The following AFAP1 variants were observed in gnomAD, a reference collection of about 807,000 sequenced individuals.
The protein encoded by AFAP1 is actin filament associated protein 1, also known as actin filament-associated protein 1.
In AFAP1, 75 loss-of-function variants were observed where a neutral mutation model predicts 93.9. The observed-to-expected ratio is 0.80, with a 90% CI of 0.66 to 0.97. AFAP1 has a LOEUF of 0.97. Ranked by LOEUF, AFAP1 falls within the 50% of genes least tolerant of loss-of-function variation. AFAP1 has a pLI of 0.00. For synonymous variants in AFAP1, 517 were observed against 430.7 expected, an observed-to-expected ratio of 1.20 and a Z score of -2.48; for missense variants, 1,201 against 1,050.8, an observed-to-expected ratio of 1.14 and a Z score of -1.98.
chr4:7,803,610 A>G (rs1488374099), intron 9 of AFAP1, among the ~76,000 whole-genome samples: 3 of 151,968 alleles, frequency 2.0e-5, no homozygotes, highest in Non-Finnish European at 4.4e-5. Context: ...GCAATTCCCA[A>G]CCACAGGGGG....
At chr4:7,768,344 G>A (rs1407622801) in intron 17 of AFAP1, among the ~76,000 whole-genome samples, 1 of 152,260 alleles carries the variant, frequency 6.6e-6, no homozygotes, top group Non-Finnish European at 1.5e-5. Context: ...GAGAAGACCG[G>A]AAGCTGCCCC....
At chr4:7,866,191 C>T (rs1716378245) in intron 3 of AFAP1, among the ~76,000 whole-genome samples, 1 of 138,876 alleles carries the variant, frequency 7.2e-6, no homozygotes, top group Admixed American at 7.5e-5. Flanking sequence ...GCCACTGCGC[C>T]CAGCAGGTTT....
At chr4:7,912,601 C>A (rs6848279) in intron 1 of AFAP1, among the ~76,000 whole-genome samples, 2 of 152,240 alleles carry the variant, frequency 1.3e-5, no homozygotes, top group African/African-American at 4.8e-5. Context: ...CTCTTCATGT[C>A]TTTTACTCAT....
chr4:7,891,756 A>G (rs1039072998), intron 1 of AFAP1, among the ~76,000 whole-genome samples: 4 of 150,260 alleles, frequency 2.7e-5, no homozygotes, highest in East Asian at 1.9e-4. Context: ...AAAAAAAAAA[A>G]AAAAAAAAAA....
rs1164707282 is a variant in AFAP1, at chr4:7,780,660, A to ATTT, written c.1782+715_1782+716insAAA. Among the ~76,000 whole-genome samples the ATTT allele has an allele frequency of 6.2e-3, 875 of 141,808 alleles. 5 individuals carry two copies. The highest frequency in any genetic ancestry group is 0.011 in the Middle Eastern group (3 of 284). The allele number at this position is 141,808 out of a possible 152,430, so 93.0% of individuals were successfully genotyped here. A position where few individuals can be genotyped will look rare whatever the true frequency, so the allele number is the denominator to read the frequency against. On this transcript the variant is annotated intron_variant, in intron 13 of 17. Transcript: ENST00000420658. ...GACTTCATCTTTTTTTTTTTTTTTA[A>ATTT]AAAGGCCTAACACCACAAAATTACT...
At chr4:7,826,678 A>C (rs1721449092) in intron 6 of AFAP1, among the ~76,000 whole-genome samples, 1 of 152,240 alleles carries the variant, frequency 6.6e-6, no homozygotes, top group Admixed American at 6.5e-5. Flanking sequence ...TCCTGATCCA[A>C]CACGTCAATG....
chr4:7,806,242 C>G (rs1177021654), intron 9 of AFAP1, among the ~76,000 whole-genome samples: 3 of 152,220 alleles, frequency 2.0e-5, no homozygotes, highest in African/African-American at 7.2e-5. Flanking sequence ...GCGGGCGGAC[C>G]TGGCCAGCCA....
chr4:7,812,688 C>A (rs1002554099), intron 8 of AFAP1, among the ~76,000 whole-genome samples: 5 of 152,124 alleles, frequency 3.3e-5, no homozygotes, highest in African/African-American at 4.8e-5. Flanking sequence ...CACTGGCGCA[C>A]GCCACTGGAG....
At chr4:7,911,814 A>T (rs768889082) in intron 1 of AFAP1, among the ~76,000 whole-genome samples, 2 of 152,246 alleles carry the variant, frequency 1.3e-5, no homozygotes, top group Non-Finnish European at 2.9e-5. Context: ...CTCCATAGAC[A>T]AGAAGTAAAT....
At chr4:7,863,564 C>G (rs1715996719) in intron 3 of AFAP1, among the ~76,000 whole-genome samples, 1 of 152,208 alleles carries the variant, frequency 6.6e-6, no homozygotes, top group African/African-American at 2.4e-5. Flanking sequence ...AAACATGCTA[C>G]ATCCCACACG....
chr4:7,838,697 T>C lies in AFAP1; in HGVS notation c.553A>G (p.Lys185Glu). 6.2e-7 allele frequency: 1 copy of C among 1,614,070 alleles called. No individual in the cohort carries two copies. The highest frequency in any genetic ancestry group is 8.5e-7 in the Non-Finnish European group (1 of 1,179,976). The change falls in exon 6 of 18, where the codon AAA becomes GAA. Residue 185 changes from lysine to glutamate, a missense_variant. By Grantham distance (56) the Lys-to-Glu change is moderately conservative. Transcript: ENST00000420658. ...TGAGGCTGCTGGTCCTTGGAACTTT[T>C]ATAGCACTGCATTCAACACAACAAA... is the stretch of plus-strand genomic sequence containing the variant. ...VIKDTKLLCYKSSKDQQPQME... is the reference protein window; with the variant it reads ...VIKDTKLLCYESSKDQQPQME...
intron 3 of AFAP1, among the ~76,000 whole-genome samples, chr4:7,856,612 C>T (rs1439576249): frequency 3.9e-5 from 6 of 152,164 alleles, no homozygotes; most frequent in African/African-American, 7.2e-5. Flanking sequence ...AGAATATGGA[C>T]GAGCTGGGGG....
chr4:7,774,747 A>C lies in AFAP1; in HGVS notation c.2054T>G (p.Val685Gly), dbSNP rs1715919316. 6.2e-7 allele frequency: 1 copy of C among 1,613,956 alleles called. No individual in the cohort carries two copies. Among genetic ancestry groups the C allele is most frequent in the Non-Finnish European group, 8.5e-7 (1 of 1,179,998 alleles). Residue 685 changes from valine to glycine, a missense_variant, in exon 15 of 18, where the codon GTG becomes GGG. Transcript: ENST00000420658. ...ACCCACACCCTTCATACCGGCGTTC[A>C]CTTCAATAGCCGCTCGAAGGTCTTT... ...ERKDLRAAIE[V>G]NAGRKPQAIL...
intron 6 of AFAP1, among the ~76,000 whole-genome samples, chr4:7,823,025 T>TA (rs1721113570): frequency 6.6e-6 from 1 of 151,918 alleles, no homozygotes; most frequent in Non-Finnish European, 1.5e-5. Context: ...TGCTTTTTTT[T>TA]ATATAGCTAA....
At chr4:7,860,662 C>A (rs28607519) in intron 3 of AFAP1, among the ~76,000 whole-genome samples, 46,843 of 152,026 alleles carry the variant, frequency 0.31, 8,922 homozygotes, top group Non-Finnish European at 0.44. Flanking sequence ...AGAGTGGGCA[C>A]GGCCTGCTGA....
chr4:7,829,139 T>C (rs1339490357), intron 6 of AFAP1, among the ~76,000 whole-genome samples: 2 of 152,148 alleles, frequency 1.3e-5, no homozygotes, highest in Non-Finnish European at 2.9e-5. Context: ...TCCCAAGGCC[T>C]CCCCAGCCAT....
In AFAP1 at chr4:7,763,567, C is replaced by T; in HGVS notation, c.*198G>A. On this transcript the variant is annotated 3_prime_UTR_variant, in exon 18 of 18. Transcript: ENST00000420658. The stretch of plus-strand genomic sequence containing the variant: ...AAAGTTGGGAACCAAAGTCTTACAT[C>T]TTTTTTAAAGGCGCCATTTTACAGT... 3.3e-6 allele frequency: 2 copies of T among 598,454 alleles called. No homozygotes were observed. Among genetic ancestry groups the T allele is most frequent in the Non-Finnish European group, 2.9e-6 (1 of 349,654 alleles). The allele number at this position is 598,454 out of a possible 1,614,324, so 37.1% of individuals were successfully genotyped here.
chr4:7,798,545 T>G (rs1310488553), intron 10 of AFAP1, among the ~76,000 whole-genome samples: 3 of 152,202 alleles, frequency 2.0e-5, no homozygotes, highest in Non-Finnish European at 4.4e-5. Context: ...GCTGTAGATG[T>G]TTATGTGTCA....
intron 13 of AFAP1, among the ~76,000 whole-genome samples, chr4:7,781,121 A>T (rs1027763889): frequency 6.6e-6 from 1 of 152,168 alleles, no homozygotes; most frequent in East Asian, 1.9e-4. Flanking sequence ...ACAAAATTTC[A>T]CTGGGGAATT....
Sources: allele counts gnomAD v4.1 joint callset (sites outside exome capture counted in the v4.1 genomes callset), GRCh38; gene constraint gnomAD v4.1.1; transcripts MANE v1.5; gene names NCBI Gene and HGNC (gene_info 2026-07-23, HGNC 2026-07-21).